Variants in FBXW5 observed in about 807,000 individuals in gnomAD.
The protein encoded by FBXW5 is F-box and WD repeat domain containing 5.
A neutral mutation model predicts 50.9 loss-of-function variants in FBXW5; 74 were observed. That is an observed-to-expected ratio of 1.45 (90% CI 1.20 to 1.76). FBXW5 has a LOEUF of 1.76. Ranked by LOEUF, FBXW5 falls within the 40% of genes most tolerant of loss-of-function variation. The probability of loss-of-function intolerance (pLI) is 0.00; values close to 1 mark genes in which losing one functional copy is unlikely to be tolerated. For missense variants in FBXW5, 1,073 were observed against 818.8 expected, an observed-to-expected ratio of 1.31 and a Z score of -3.79; for synonymous variants, 523 against 362.2, an observed-to-expected ratio of 1.44 and a Z score of -5.04.
chr9:136,941,624 C>G lies in FBXW5; in HGVS notation c.1157G>C (p.Arg386Pro), dbSNP rs780198899. The G allele has an allele frequency of 1.9e-6, 3 of 1,582,410 alleles. No individual in the cohort carries two copies. The highest frequency in any genetic ancestry group is 2.6e-6 in the Non-Finnish European group (3 of 1,164,964). ...TTAGPVLGEG[R>P]GSDAFFDALD... Reference sequence around the variant, plus strand: ...CGCGTCGAAGAAGGCATCGGAGCCCCGGCCCTCACCCAGCACGGGCCCTGC... The same window carrying G: ...CGCGTCGAAGAAGGCATCGGAGCCCGGGCCCTCACCCAGCACGGGCCCTGC... The change falls in exon 7 of 9, where the codon CGG becomes CCG. Residue 386 changes from arginine (R) to proline (P), a missense_variant. Arg to Pro is a moderately radical substitution (Grantham distance 103). Coordinates refer to ENST00000325285, the MANE Select transcript of FBXW5 (RefSeq NM_018998.4).
In FBXW5 at chr9:136,943,464, G is replaced by GT. The variant is rs1564437429; in HGVS notation, c.235dup (p.Thr79AsnfsTer112). ...CGTCTGCACCTCCACGCAGGGCACC[G>GT]TGTCATACAGCCGCTGGAACTCCTC... On this transcript the variant is annotated frameshift_variant, in exon 3 of 9. Coordinates refer to ENST00000325285, the MANE Select transcript of FBXW5 (RefSeq NM_018998.4). LOFTEE classifies it high-confidence loss of function. 10 of 1,612,408 alleles carry GT rather than the reference G, an allele frequency of 6.2e-6. No individual in the cohort carries two copies. The South Asian group carries it at 1.1e-4, about 18-fold the overall frequency.
rs1850802884 is a variant in FBXW5, at chr9:136,942,240, C to G, written c.902G>C (p.Gly301Ala). Residue 301 changes from glycine to alanine, a missense_variant, in exon 6 of 9, where the codon GGC (glycine) becomes GCC (alanine). Gly to Ala is a moderately conservative substitution (Grantham distance 60, BLOSUM62 0). Coordinates refer to ENST00000325285, the MANE Select transcript of FBXW5 (RefSeq NM_018998.4). ...AGPAPAHAKE[G>A]LRHFLDRVLE... is the part of the protein sequence containing the mutation. Reference sequence around the variant, plus strand: ...CACGCGGTCCAGAAAGTGCCGCAAGCCCTCCTTGGCGTGGGCGGGGGCCGG... The same window carrying G: ...CACGCGGTCCAGAAAGTGCCGCAAGGCCTCCTTGGCGTGGGCGGGGGCCGG... 6.3e-7 allele frequency: 1 copy of G among 1,586,422 alleles called. No homozygotes were observed. The highest frequency in any genetic ancestry group is 1.3e-5 in the African/African-American group (1 of 74,434).
chr9:136,944,304 T>C, intron 1 of FBXW5, 198 bp from the exon 2 acceptor site: 2 of 609,688 alleles, frequency 3.3e-6, no homozygotes, highest in Non-Finnish European at 4.7e-6. Context: ...CGCCGCGTCA[T>C]CCCCCGGCCT....
intron 2 of FBXW5, 120 bp from the exon 3 acceptor site, chr9:136,943,626 G>A: frequency 7.4e-7 from 1 of 1,348,314 alleles, no homozygotes; most frequent in South Asian, 1.4e-5. Context: ...CACTAGTCAT[G>A]GCATAGGCCT....
At chr9:136,943,796 G>A (rs1175955313) in intron 2 of FBXW5, 95 bp downstream of exon 2, 4 of 1,357,590 alleles carry the variant, frequency 2.9e-6, no homozygotes, top group Admixed American at 2.3e-5. Context: ...GACACGCGGG[G>A]CCGCGGGGCG....
In FBXW5 at chr9:136,943,250, C is replaced by A. The variant is rs1432553945; in HGVS notation, c.351+99G>T. 14 of 386,354 alleles carry A rather than the reference C, an allele frequency of 3.6e-5. No individual in the cohort carries two copies. In the East Asian group the frequency reaches 1.3e-3, roughly 35 times the overall value. The allele number at this position is 386,354 out of a possible 1,614,324, so 23.9% of individuals were successfully genotyped here. ...TGCTGTCACCTCTGGCCTGACCCAC[C>A]CCCCCCCCCACCACCACCTGGTTGG... On this transcript the variant is annotated intron_variant, in intron 3 of 8. Coordinates refer to ENST00000325285, the MANE Select transcript of FBXW5 (RefSeq NM_018998.4).
chr9:136,941,618 GA>G lies in FBXW5; in HGVS notation c.1162del (p.Ser388ProfsTer12), dbSNP rs1240429246. The G allele has an allele frequency of 1.3e-6, 2 of 1,586,852 alleles. No individual in the cohort carries two copies. Among genetic ancestry groups the G allele is most frequent in the Non-Finnish European group, 1.7e-6 (2 of 1,167,312 alleles). ...AGPVLGEGRGSDAFFDALDHV... is the reference protein window; with the variant it reads ...AGPVLGEGRGXDAFFDALDHV... ...GTCCAGCGCGTCGAAGAAGGCATCGGAGCCCCGGCCCTCACCCAGCACGGGC... is the reference window on the plus strand; with the variant it reads ...GTCCAGCGCGTCGAAGAAGGCATCGGGCCCCGGCCCTCACCCAGCACGGGC... On this transcript the variant is annotated frameshift_variant, in exon 7 of 9. Coordinates refer to ENST00000325285, the MANE Select transcript of FBXW5 (RefSeq NM_018998.4). LOFTEE classifies it high-confidence loss of function.
Position 136,942,045 on chromosome 9 carries a change from C to A in FBXW5, c.1096+1G>T. ...CGGGCAGCATGGCGGCAGGGGTGTA[C>A]CGATCTGGTGTGGGGAGTAGGTGAG... On this transcript the variant is annotated splice_donor_variant, in intron 6 of 8. Coordinates refer to ENST00000325285, the MANE Select transcript of FBXW5 (RefSeq NM_018998.4). LOFTEE classifies it high-confidence loss of function. 1.2e-6 allele frequency: 2 copies of A among 1,601,786 alleles called. No individual in the cohort carries two copies. The highest frequency in any genetic ancestry group is 1.7e-6 in the Non-Finnish European group (2 of 1,171,338).
Position 136,941,472 on chromosome 9 carries a change from G to A in FBXW5, c.1245-9C>T. The A allele has an allele frequency of 6.2e-7, 1 of 1,606,346 alleles. No homozygotes were observed. Among genetic ancestry groups the A allele is most frequent in the Non-Finnish European group, 8.5e-7 (1 of 1,179,710 alleles). ...TGTTCACGTACAGGTACCTGGGCGA[G>A]GGGCACTGTGCTAGGTGTGGGCCGC... On this transcript the variant is annotated splice_polypyrimidine_tract_variant and intron_variant, in intron 7 of 8. Coordinates refer to ENST00000325285, the MANE Select transcript of FBXW5 (RefSeq NM_018998.4).
intron 1 of FBXW5, 187 bp downstream of exon 1, chr9:136,944,407 T>G: frequency 3.7e-6 from 3 of 810,572 alleles, no homozygotes; most frequent in Non-Finnish European, 3.0e-6. Flanking sequence ...GGGGACGGGC[T>G]TCCGCCGAGA....
In FBXW5 at chr9:136,941,344, T is replaced by C. The variant is rs541956434; in HGVS notation, c.1364A>G (p.Glu455Gly). ...LLVFDLKTMREVRRALRAHRA... is the reference protein window; with the variant it reads ...LLVFDLKTMRGVRRALRAHRA... ...GTGCGCACGCAGAGCCCGCCTCACC[T>C]CCCGCATGGTCTTGAGGTCGAACAC... The change falls in exon 8 of 9, where the codon GAG becomes GGG. Residue 455 changes from glutamate to glycine, a missense_variant. Physicochemically the swap from Glu to Gly is moderately conservative, Grantham distance 98. Transcript: ENST00000325285. 1 of 1,611,494 alleles carries C rather than the reference T, an allele frequency of 6.2e-7. No individual in the cohort carries two copies. Among genetic ancestry groups the C allele is most frequent in the Admixed American group, 1.7e-5 (1 of 60,024 alleles).
rs1327615081 is a variant in FBXW5 at position 136,942,130 on chromosome 9, G to C, written c.1012C>G (p.Pro338Ala). Reference sequence around the variant, plus strand: ...GCGCCTGTGGCACTGCGCTCGGGTGGCTTGGTGTGGCCCTGGGCCAGCAGC... The same window carrying C: ...GCGCCTGTGGCACTGCGCTCGGGTGCCTTGGTGTGGCCCTGGGCCAGCAGC... ...AELLAQGHTK[P>A]PERSATGAKS... Residue 338 changes from proline to alanine, a missense_variant, in exon 6 of 9, where the codon CCA (proline) becomes GCA (alanine). Transcript: ENST00000325285. 1.2e-6 allele frequency: 2 copies of C among 1,611,450 alleles called. No homozygotes were observed. Among genetic ancestry groups the C allele is most frequent in the Non-Finnish European group, 1.7e-6 (2 of 1,178,984 alleles).
rs34391108 is a variant in FBXW5, at chr9:136,942,242, C to G, written c.900G>C (p.Glu300Asp). 1 of 1,586,306 alleles carries G rather than the reference C, an allele frequency of 6.3e-7. No homozygotes were observed. Among genetic ancestry groups the G allele is most frequent in the Non-Finnish European group, 8.6e-7 (1 of 1,167,486 alleles). The change falls in exon 6 of 9, where the codon GAG (glutamate) becomes GAC (aspartate). Residue 300 changes from glutamate (E) to aspartate (D), a missense_variant. By Grantham distance (45) the Glu-to-Asp change is conservative. Coordinates refer to ENST00000325285, the MANE Select transcript of FBXW5 (RefSeq NM_018998.4). ...VAGPAPAHAK[E>D]GLRHFLDRVL... ...CGCGGTCCAGAAAGTGCCGCAAGCC[C>G]TCCTTGGCGTGGGCGGGGGCCGGGC...
At chr9:136,943,573 T>G (rs1850894129) in intron 2 of FBXW5, 67 bp from the exon 3 acceptor site, 2 of 1,539,314 alleles carry the variant, frequency 1.3e-6, no homozygotes, top group African/African-American at 2.7e-5. Context: ...GAGCCGAGTG[T>G]GGCCCCAGCA....
chr9:136,940,720 G>C lies in FBXW5; in HGVS notation c.*208C>G. ...CCAAGTTGCCCAGGAGGCCGAGGGG[G>C]CCTTGGGCTCCATCTGCACTGGCCA... On this transcript the variant is annotated 3_prime_UTR_variant, in exon 9 of 9. Transcript: ENST00000325285. 1 of 772,144 alleles carries C rather than the reference G, an allele frequency of 1.3e-6. No homozygotes were observed. 47.8% of individuals were successfully genotyped at this position (772,144 alleles called of 1,614,324 possible).
chr9:136,943,840 G>A, intron 2 of FBXW5, 51 bp downstream of exon 2: 3 of 1,533,626 alleles, frequency 2.0e-6, no homozygotes, highest in Non-Finnish European at 2.6e-6. Flanking sequence ...AAGCGCAGGG[G>A]CCCGGGGCCC....
intron 7 of FBXW5, 35 bp downstream of exon 7, chr9:136,941,502 G>A (rs762094350): frequency 1.3e-5 from 21 of 1,605,348 alleles, no homozygotes; most frequent in Middle Eastern, 1.6e-4. Context: ...GGCCGCCTGC[G>A]GGCACCCCGC....
chr9:136,940,971 C>T lies in FBXW5; in HGVS notation c.1658G>A (p.Arg553Gln), dbSNP rs368397643. 99 of 1,564,624 alleles carry T rather than the reference C, an allele frequency of 6.3e-5. No homozygotes were observed. The African/African-American group carries it at 8.0e-4, about 13-fold the overall frequency. The change falls in exon 9 of 9, where the codon CGG (arginine) becomes CAG (glutamine). Residue 553 changes from arginine to glutamine, a missense_variant. Physicochemically the swap from Arg to Gln is conservative, Grantham distance 43. Transcript: ENST00000325285. ...AAGCCAGGAGAAGAAGGTGCGAGGC[C>T]GTGGGCGAGGTGCCTGGAGGACGCG... ...TMRVLQAPRP[R>Q]PRTFFSWLAS...
rs371443004 is a variant in FBXW5 at position 136,941,036 on chromosome 9, G to A, written c.1593C>T (p.Asp531=). ...AGCGCCAGGCTTTGATGGTGGCGTC[G>A]TCGCTGGCCGTGAGCAGCAGCTCCT... ...QEQELLLTAS[D]DATIKAWRSP... Residue 531 remains aspartate (D), a synonymous_variant, in exon 9 of 9, where the codon GAC becomes GAT. Coordinates refer to ENST00000325285, the MANE Select transcript of FBXW5 (RefSeq NM_018998.4). 6.6e-5 allele frequency: 102 copies of A among 1,553,486 alleles called. 1 individual carries two copies. Among genetic ancestry groups the A allele is most frequent in the African/African-American group, 2.9e-4 (21 of 73,244 alleles).
Sources: gnomAD v4.1 joint callset for allele counts on GRCh38, gnomAD v4.1.1 for gene constraint, MANE v1.5 for transcripts, NCBI Gene and HGNC (gene_info 2026-07-23, HGNC 2026-07-21) for gene names.